Variants in NKAIN2 observed in about 807,000 individuals in gnomAD.
NKAIN2 encodes the protein sodium/potassium transporting ATPase interacting 2.
A neutral mutation model predicts 32.6 loss-of-function variants in NKAIN2; 14 were observed. The ratio of observed to expected loss-of-function variants is 0.43; its 90% CI spans 0.28 to 0.67. The LOEUF (loss-of-function observed/expected upper bound fraction) is 0.67. Among genes scored for constraint, NKAIN2 ranks in the 30% least tolerant of loss-of-function variants. The probability of loss-of-function intolerance (pLI) is 0.17; values close to 1 mark genes in which losing one functional copy is unlikely to be tolerated. For missense variants in NKAIN2, 198 were observed against 258.3 expected, an observed-to-expected ratio of 0.77 and a Z score of 1.60; for synonymous variants, 80 against 87.2, an observed-to-expected ratio of 0.92 and a Z score of 0.46.
chr6:124,781,805 G>T (rs2114786540), intron 4 of NKAIN2, among the ~76,000 whole-genome samples: 1 of 152,202 alleles, frequency 6.6e-6, no homozygotes, highest in East Asian at 1.9e-4. Flanking sequence ...AGTCCAACTA[G>T]ATTATACTGC....
rs114739900 is a variant in NKAIN2, at chr6:124,032,934, G to T, written c.54+228680G>T. 4.8e-3 allele frequency among the ~76,000 whole-genome samples: 731 copies of T among 151,602 alleles called. 2 individuals carry two copies. The highest frequency in any genetic ancestry group is 0.017 in the African/African-American group (691 of 41,366). The stretch of plus-strand genomic sequence containing the variant: ...TGTTTTTATATGTAATATTTTATGC[G>T]GGATTTTGTTCTTTAAAAAAAAATC... On this transcript the variant is annotated intron_variant, in intron 1 of 6. Coordinates refer to ENST00000368417, the MANE Select transcript of NKAIN2 (RefSeq NM_001040214.3).
At chr6:124,298,823 G>A (rs1006739158) in intron 2 of NKAIN2, among the ~76,000 whole-genome samples, 1 of 152,040 alleles carries the variant, frequency 6.6e-6, no homozygotes, top group Non-Finnish European at 1.5e-5. Flanking sequence ...ACAGCAAATG[G>A]TTTCATGTAA....
At chr6:124,470,428 T>C (rs1399678758) in intron 3 of NKAIN2, among the ~76,000 whole-genome samples, 1 of 152,150 alleles carries the variant, frequency 6.6e-6, no homozygotes, top group East Asian at 1.9e-4. Context: ...ATCAGGTGGC[T>C]TTGCAGAAGA....
chr6:124,508,270 C>A (rs551336495), intron 3 of NKAIN2, among the ~76,000 whole-genome samples: 2 of 151,036 alleles, frequency 1.3e-5, no homozygotes, highest in African/African-American at 2.4e-5. Flanking sequence ...AAAATAAAAA[C>A]CAAAAAACAA....
At chr6:124,088,595 T>G (rs551343467) in intron 1 of NKAIN2, among the ~76,000 whole-genome samples, 1 of 152,064 alleles carries the variant, frequency 6.6e-6, no homozygotes. Context: ...TAATCTCTAG[T>G]ACTGTTGCTT....
intron 4 of NKAIN2, among the ~76,000 whole-genome samples, chr6:124,670,680 T>TGTGTG (rs1554248182): frequency 2.0e-5 from 3 of 151,218 alleles, no homozygotes; most frequent in Non-Finnish European, 4.4e-5. Context: ...TGTGTGTGTG[T>TGTGTG]TGCATAATAG....
In NKAIN2 at chr6:124,824,689, A is replaced by AT. The variant is rs1352989967; in HGVS notation, c.*1466dup. The AT allele has an allele frequency of 1.3e-5, 2 of 152,200 alleles. No individual in the cohort carries two copies. Among genetic ancestry groups the AT allele is most frequent in the African/African-American group, 4.8e-5 (2 of 41,456 alleles). 9.4% of individuals were successfully genotyped at this position (152,200 alleles called of 1,614,324 possible). ...GGATACACCTGAGACATTAAACTCA[A>AT]TTTTTTAAAACTAACACACCATTCT... On this transcript the variant is annotated 3_prime_UTR_variant, in exon 7 of 7. Transcript: ENST00000368417.
chr6:124,141,576 T>C (rs1487247798), intron 1 of NKAIN2, among the ~76,000 whole-genome samples: 1 of 152,096 alleles, frequency 6.6e-6, no homozygotes, highest in East Asian at 1.9e-4. Context: ...GTTCATATTC[T>C]ATTTTCTTGC....
chr6:124,603,626 G>A (rs945051793), intron 3 of NKAIN2, among the ~76,000 whole-genome samples: 2 of 151,908 alleles, frequency 1.3e-5, no homozygotes, highest in African/African-American at 4.8e-5. Flanking sequence ...TCCTCATGGA[G>A]CTGCTCCACA....
chr6:124,244,355 C>T (rs1793277638), intron 1 of NKAIN2, among the ~76,000 whole-genome samples: 1 of 149,906 alleles, frequency 6.7e-6, no homozygotes, highest in Non-Finnish European at 1.5e-5. Context: ...GTTTTTTGTT[C>T]TTGCGATAGT....
intron 3 of NKAIN2, among the ~76,000 whole-genome samples, chr6:124,634,585 T>C (rs1783700242): frequency 6.6e-6 from 1 of 152,108 alleles, no homozygotes; most frequent in East Asian, 1.9e-4. Flanking sequence ...CTATGTTACA[T>C]GTGGGATACA....
At chr6:124,005,721 C>T (rs1193423072) in intron 1 of NKAIN2, among the ~76,000 whole-genome samples, 1 of 152,024 alleles carries the variant, frequency 6.6e-6, no homozygotes, top group East Asian at 1.9e-4. Flanking sequence ...ATTTAGTGTC[C>T]ATCAGCATAT....
At chr6:124,117,963 A>T (rs1253051306) in intron 1 of NKAIN2, among the ~76,000 whole-genome samples, 2 of 151,248 alleles carry the variant, frequency 1.3e-5, no homozygotes, top group Admixed American at 1.3e-4. Flanking sequence ...AACTAAACTA[A>T]GGAAATCTGG....
At position 124,823,500 on chromosome 6, in the gene NKAIN2, T is replaced by C. The variant is rs1285590283; in HGVS notation, c.*271T>C. ...CTTGGATTTCCTGAAAGCAGGCCCCTTTCTCCCAGGCCTTCGGAAAGTTCA... is the reference window on the plus strand; with the variant it reads ...CTTGGATTTCCTGAAAGCAGGCCCCCTTCTCCCAGGCCTTCGGAAAGTTCA... On this transcript the variant is annotated 3_prime_UTR_variant, in exon 7 of 7. Transcript: ENST00000368417. 5 of 423,924 alleles carry C rather than the reference T, an allele frequency of 1.2e-5. No individual in the cohort carries two copies. Among genetic ancestry groups the C allele is most frequent in the African/African-American group, 7.9e-5 (4 of 50,424 alleles). The allele number at this position is 423,924 out of a possible 1,614,324, so 26.3% of individuals were successfully genotyped here.
intron 3 of NKAIN2, among the ~76,000 whole-genome samples, chr6:124,387,814 A>T (rs979649063): frequency 6.6e-6 from 1 of 152,116 alleles, no homozygotes; most frequent in African/African-American, 2.4e-5. Context: ...TCTGTACTCC[A>T]GGCCCAGTCT....
At chr6:124,522,972 T>C (rs1356983759) in intron 3 of NKAIN2, among the ~76,000 whole-genome samples, 2 of 148,872 alleles carry the variant, frequency 1.3e-5, no homozygotes, top group Non-Finnish European at 3.0e-5. Context: ...TGAAACCCCG[T>C]CTCTACTAAA....
intron 1 of NKAIN2, among the ~76,000 whole-genome samples, chr6:124,153,705 C>T (rs1466463977): frequency 6.6e-6 from 1 of 151,236 alleles, no homozygotes; most frequent in Non-Finnish European, 1.5e-5. Context: ...TGTTTATTGA[C>T]CTTGTTTTCA....
intron 1 of NKAIN2, among the ~76,000 whole-genome samples, chr6:124,022,705 T>A (rs1780920216): frequency 6.6e-6 from 1 of 152,192 alleles, no homozygotes; most frequent in Non-Finnish European, 1.5e-5. Context: ...AGATGAGTTA[T>A]TTACAAATCA....
intron 3 of NKAIN2, among the ~76,000 whole-genome samples, chr6:124,636,627 A>G (rs1416426588): frequency 2.6e-5 from 4 of 151,890 alleles, no homozygotes; most frequent in African/African-American, 9.7e-5. Flanking sequence ...ATTATGAAAA[A>G]CTCTATGCCA....
Sources: gnomAD v4.1 joint callset for allele counts (sites outside exome capture counted in the v4.1 genomes callset) on GRCh38, gnomAD v4.1.1 for gene constraint, MANE v1.5 for transcripts, NCBI Gene and HGNC (gene_info 2026-07-23, HGNC 2026-07-21) for gene names.